KIDINS220: variants seen among roughly 807,000 people sequenced by gnomAD.
KIDINS220 encodes kinase D interacting substrate 220, also known as kinase D-interacting substrate of 220 kDa.
Under a neutral mutation model 157.6 loss-of-function variants are expected in KIDINS220, and 63 were observed. The observed-to-expected ratio is 0.40, with a 90% CI of 0.33 to 0.49. The LOEUF is 0.49. Ranked by LOEUF, KIDINS220 falls within the 20% of genes least tolerant of loss-of-function variation. The probability of loss-of-function intolerance (pLI) is 0.66; values close to 1 mark genes in which losing one functional copy is unlikely to be tolerated. For missense variants in KIDINS220, 1,772 were observed against 2,171.2 expected (o/e 0.82, Z 3.65); for synonymous variants, 732 against 783.6 (o/e 0.93, Z 1.10).
intron 26 of KIDINS220, among the ~76,000 whole-genome samples, chr2:8,737,603 G>A (rs1322221241): frequency 1.3e-5 from 2 of 152,178 alleles, no homozygotes; most frequent in African/African-American, 4.8e-5. Flanking sequence ...TAACACATGT[G>A]AAAGTAAATA....
At chr2:8,733,195 C>T (rs1487999396) in intron 29 of KIDINS220, among the ~76,000 whole-genome samples, 1 of 152,200 alleles carries the variant, frequency 6.6e-6, no homozygotes, top group East Asian at 1.9e-4. Context: ...ACTCTGCATG[C>T]TGTGACCCTG....
intron 21 of KIDINS220, among the ~76,000 whole-genome samples, chr2:8,771,884 C>G (rs1333508363): frequency 3.3e-5 from 5 of 151,926 alleles, no homozygotes; most frequent in Non-Finnish European, 7.4e-5. Context: ...GATATACACA[C>G]AGTGCTGTGT....
rs201123643 is a variant in KIDINS220, at chr2:8,817,701, G to A, written c.223C>T (p.Leu75Phe). The A allele has an allele frequency of 7.2e-5, 115 of 1,601,360 alleles. 1 individual carries two copies. The highest frequency in any genetic ancestry group is 2.6e-4 in the South Asian group (23 of 88,566). ...TGCCCTTCTTTCGATGCAGATATAAGTGCTGTCCAATTATCCTTGAACATA... is the reference window on the plus strand; with the variant it reads ...TGCCCTTCTTTCGATGCAGATATAAATGCTGTCCAATTATCCTTGAACATA... ...NLEDLDNWTA[L>F]ISASKEGHVH... The change falls in exon 4 of 30, where the codon CTT (leucine) becomes TTT (phenylalanine). Residue 75 changes from leucine to phenylalanine, a missense_variant. Leu to Phe is a conservative substitution (Grantham distance 22, BLOSUM62 0). This residue lies in a region of KIDINS220 where 254 missense variants were observed against 268.6 expected (regional missense o/e 0.95). Transcript: ENST00000256707.
chr2:8,746,956 T>C (rs925104795), intron 26 of KIDINS220, 189 bp downstream of exon 26: 1 of 531,292 alleles, frequency 1.9e-6, no homozygotes, highest in Non-Finnish European at 3.3e-6. Context: ...AAATAATGGG[T>C]GAAGTTAAAC....
rs1384612428 is a variant in KIDINS220, at chr2:8,731,753, T to C, written c.4283A>G (p.His1428Arg). 6.2e-7 allele frequency: 1 copy of C among 1,614,164 alleles called. No homozygotes were observed. Among genetic ancestry groups the C allele is most frequent in the East Asian group, 2.2e-5 (1 of 44,886 alleles). ...MGQSSSGGSI[H>R]SNLEQEKGKD... Reference sequence around the variant, plus strand: ...CCCCTTTTCTTGCTCTAGGTTTGAATGAATAGAGCCCCCTGATGAACTCTG... The same window carrying C: ...CCCCTTTTCTTGCTCTAGGTTTGAACGAATAGAGCCCCCTGATGAACTCTG... Residue 1428 changes from histidine to arginine, a missense_variant, in exon 30 of 30, where the codon CAT becomes CGT. Transcript: ENST00000256707. The surrounding 1 kb of genome is among the most constrained non-coding windows in gnomAD (Gnocchi z 5.2).
rs757620435 is a variant in KIDINS220 at position 8,751,563 on chromosome 2, A to G, written c.3093T>C (p.Phe1031=). The part of the protein sequence containing the change: ...IDGDIRNFEV[F]LSSRTPVLVA... The stretch of plus-strand genomic sequence containing the variant: ...CAAGAACTGGGGTCCTTGAAGACAA[A>G]AACACTTCAAAATTTCTTATATCTC... Residue 1031 remains phenylalanine (F), a synonymous_variant, in exon 23 of 30, where the codon TTT becomes TTC. Transcript: ENST00000256707. 6.2e-7 allele frequency: 1 copy of G among 1,613,444 alleles called. No individual in the cohort carries two copies. The highest frequency in any genetic ancestry group is 8.5e-7 in the Non-Finnish European group (1 of 1,179,484).
chr2:8,731,792 G>A lies in KIDINS220; in HGVS notation c.4244C>T (p.Thr1415Ile), dbSNP rs532375356. Residue 1415 changes from threonine to isoleucine, a missense_variant, in exon 30 of 30, where the codon ACA becomes ATA. Coordinates refer to ENST00000256707, the MANE Select transcript of KIDINS220 (RefSeq NM_020738.4). The surrounding 1 kb of genome is among the most constrained non-coding windows in gnomAD (Gnocchi z 5.2). The stretch of plus-strand genomic sequence containing the variant: ...TGATGAACTCTGACCCATGTAATAT[G>A]TGCTATGTGGAGAAGATCTGCCACT... ...TISGRSSPHS[T>I]YYMGQSSSGG... is the part of the protein sequence containing the mutation. 34 of 1,614,112 alleles carry A rather than the reference G, an allele frequency of 2.1e-5. No individual in the cohort carries two copies. In the East Asian group the frequency reaches 6.7e-4, roughly 32 times the overall value.
chr2:8,792,673 T>C (rs1208656122), intron 12 of KIDINS220, among the ~76,000 whole-genome samples: 2 of 152,222 alleles, frequency 1.3e-5, no homozygotes, highest in Non-Finnish European at 2.9e-5. Flanking sequence ...TATCTTACAC[T>C]GCCAGAGGGA....
At chr2:8,807,074 C>T (rs949898487) in intron 6 of KIDINS220, among the ~76,000 whole-genome samples, 3 of 152,146 alleles carry the variant, frequency 2.0e-5, no homozygotes, top group African/African-American at 4.8e-5. Context: ...CATGGGTCTA[C>T]GTGTGTGATC....
chr2:8,833,447 G>A (rs1208365575), intron 1 of KIDINS220, among the ~76,000 whole-genome samples: 1 of 135,128 alleles, frequency 7.4e-6, no homozygotes, highest in Non-Finnish European at 1.6e-5. Flanking sequence ...TACTAAACTT[G>A]TAATTTACAT....
chr2:8,810,168 C>T (rs1676085783), intron 6 of KIDINS220, among the ~76,000 whole-genome samples: 1 of 152,208 alleles, frequency 6.6e-6, no homozygotes, highest in Non-Finnish European at 1.5e-5. Context: ...TTTATGAAAT[C>T]TTGACTGACT....
downstream of KIDINS220, among the ~76,000 whole-genome samples, chr2:8,728,701 G>A (rs1663617554): frequency 6.6e-6 from 1 of 152,216 alleles, no homozygotes; most frequent in African/African-American, 2.4e-5. Context: ...CATGCTGTGG[G>A]CACAAACGCT....
At position 8,736,996 on chromosome 2, in the gene KIDINS220, A is replaced by G. The variant is rs1271199844; in HGVS notation, c.3589T>C (p.Ser1197Pro). 5.6e-6 allele frequency: 9 copies of G among 1,614,030 alleles called. No homozygotes were observed. Among genetic ancestry groups the G allele is most frequent in the Middle Eastern group, 1.6e-4 (1 of 6,062 alleles). ...ACCACTGGGCCTGGGGCTGGGCCTG[A>G]CCCCTAGAGAAGTCAAGGAAAAATA... ...LSSPTDSSRG[S>P]GPAPGPVVLL... Residue 1197 changes from serine (S) to proline (P), a missense_variant, in exon 27 of 30, where the codon TCA (serine) becomes CCA (proline). By Grantham distance (74) the Ser-to-Pro change is moderately conservative (BLOSUM62 -1). Coordinates refer to ENST00000256707, the MANE Select transcript of KIDINS220 (RefSeq NM_020738.4).
At chr2:8,728,818 C>T (rs1663631611), downstream of KIDINS220, 1 of 982,836 alleles carries the variant, frequency 1.0e-6, no homozygotes, top group East Asian at 1.1e-4. Flanking sequence ...TGTACATGAA[C>T]CTGAAAGTCT....
At chr2:8,768,246 T>TA (rs201257787) in intron 22 of KIDINS220, among the ~76,000 whole-genome samples, 5,715 of 141,464 alleles carry the variant, frequency 0.04, 183 homozygotes, top group African/African-American at 0.097. Context: ...AAATGTATGT[T>TA]AAAAAAAAAA....
intron 22 of KIDINS220, among the ~76,000 whole-genome samples, chr2:8,761,477 T>C (rs560587500): frequency 6.6e-6 from 1 of 152,312 alleles, no homozygotes; most frequent in East Asian, 1.9e-4. Flanking sequence ...TCATAGCCAC[T>C]ATTTTCCCAA....
chr2:8,741,920 A>G (rs73912895), intron 26 of KIDINS220, among the ~76,000 whole-genome samples: 3,605 of 152,278 alleles, frequency 0.024, 139 homozygotes, highest in African/African-American at 0.081. Flanking sequence ...AATGGTGTTA[A>G]AGCTGGTTGA....
At chr2:8,828,393 A>G (rs1679136255) in intron 1 of KIDINS220, among the ~76,000 whole-genome samples, 1 of 152,174 alleles carries the variant, frequency 6.6e-6, no homozygotes, top group Non-Finnish European at 1.5e-5. Flanking sequence ...TCCTGCTTTC[A>G]CTGCTCTCCA....
downstream of KIDINS220, chr2:8,723,071 A>G (rs1449911686): frequency 1.3e-5 from 2 of 152,260 alleles, no homozygotes; most frequent in African/African-American, 4.8e-5. Flanking sequence ...TCCATGCTTC[A>G]TCGCCTGTGG....
Sources: gnomAD v4.1 joint callset for allele counts (sites outside exome capture counted in the v4.1 genomes callset) on GRCh38, gnomAD v4.1.1 for gene constraint, gnomAD v4.1.1 regional missense constraint, Gnocchi (gnomAD v3.1) non-coding constraint, MANE v1.5 for transcripts, NCBI Gene and HGNC (gene_info 2026-07-23, HGNC 2026-07-21) for gene names.